The following TTLL3 variants were observed in gnomAD, a reference collection of about 807,000 sequenced individuals.
TTLL3 encodes tubulin monoglycylase TTLL3.
A neutral mutation model predicts 75.2 loss-of-function variants in TTLL3; 63 were observed. The observed-to-expected ratio is 0.84, with a 90% CI of 0.68 to 1.03. The LOEUF is 1.03. TTLL3 is among the 50% of genes least tolerant of loss of function. The pLI is 0.00. For missense variants in TTLL3, 997 were observed against 1,069.9 expected, an observed-to-expected ratio of 0.93 and a Z score of 0.95; for synonymous variants, 393 against 418.5, an observed-to-expected ratio of 0.94 and a Z score of 0.74.
Position 9,834,684 on chromosome 3 carries a change from G to C in TTLL3, c.1829G>C (p.Arg610Pro), listed in dbSNP as rs373790516. The stretch of plus-strand genomic sequence containing the variant: ...ACAGCTTCTCTTGCTCCCACAGCCC[G>C]TCACCACTTCCCCAGCCTCCACACC... Reference protein sequence around the residue: ...LLTQRGSGEARHHFPSLHTKA... With the variant: ...LLTQRGSGEAPHHFPSLHTKA... Residue 610 changes from arginine to proline, a missense_variant, in exon 13 of 14, where the codon CGT (arginine) becomes CCT (proline). Arg to Pro is a moderately radical substitution (Grantham distance 103). Coordinates refer to ENST00000685419, the MANE Select transcript of TTLL3 (RefSeq NM_001387446.1). 2 of 1,613,964 alleles carry C rather than the reference G, an allele frequency of 1.2e-6. No homozygotes were observed. The highest frequency in any genetic ancestry group is 3.3e-5 in the Admixed American group (2 of 60,000).
At chr3:9,819,885 T>G in intron 7 of TTLL3, 2 of 985,566 alleles carry the variant, frequency 2.0e-6, no homozygotes, top group Non-Finnish European at 2.4e-6. Context: ...GACCCCATGC[T>G]TAAGCTTTTA....
chr3:9,827,558 G>A (rs2081162999), intron 10 of TTLL3: 1 of 299,466 alleles, frequency 3.3e-6, no homozygotes, highest in Admixed American at 4.7e-5. Flanking sequence ...ATGTACCACA[G>A]CTGATTTTTA....
chr3:9,813,076 G>C lies in TTLL3; in HGVS notation c.182G>C (p.Ser61Thr), dbSNP rs2079499435. Residue 61 changes from serine to threonine, a missense_variant, in exon 3 of 14, where the codon AGC (serine) becomes ACC (threonine). Transcript: ENST00000685419. The stretch of plus-strand genomic sequence containing the variant: ...CTGCCACCCCAGAAGGATCTGGATA[G>C]CTCAGCGATGGGTGACAGTGACACC... ...TLLPPQKDLD[S>T]SAMGDSDTTE... The C allele has an allele frequency of 6.3e-7, 1 of 1,583,124 alleles. No individual in the cohort carries two copies. Among genetic ancestry groups the C allele is most frequent in the African/African-American group, 1.4e-5 (1 of 74,034 alleles).
At chr3:9,824,152 T>G (rs1396883307) in intron 8 of TTLL3, among the ~76,000 whole-genome samples, 1 of 152,110 alleles carries the variant, frequency 6.6e-6, no homozygotes, top group African/African-American at 2.4e-5. Flanking sequence ...ATTCAGACAA[T>G]AACCAAATAA....
intron 10 of TTLL3, 78 bp from the exon 11 acceptor site, chr3:9,828,882 A>T (rs2081290113): frequency 6.4e-7 from 1 of 1,572,072 alleles, no homozygotes; most frequent in African/African-American, 1.3e-5. Flanking sequence ...GGCTGCTTCC[A>T]GGACTTGCCT....
chr3:9,810,214 T>C, upstream of TTLL3: 1 of 1,492,400 alleles, frequency 6.7e-7, no homozygotes, highest in Non-Finnish European at 8.9e-7. The surrounding 1 kb of genome is among the most constrained non-coding windows in gnomAD (Gnocchi z 4.4). Flanking sequence ...CGGCCCTGCC[T>C]CCGCCCAGTC....
In TTLL3 at chr3:9,829,280, C is replaced by A; in HGVS notation, c.1568C>A (p.Thr523Lys). The change falls in exon 11 of 14, where the codon ACA (threonine) becomes AAA (lysine). Residue 523 changes from threonine (T) to lysine (K), a missense_variant. Thr to Lys is a moderately conservative substitution (Grantham distance 78, BLOSUM62 -1). Coordinates refer to ENST00000685419, the MANE Select transcript of TTLL3 (RefSeq NM_001387446.1). ...INASPTMAPS[T>K]AVTARLCAGV... ...GCCAGCCCCACGATGGCACCCTCCA[C>A]AGCAGTCACTGCCCGGCTCTGTGCT... 1 of 1,614,196 alleles carries A rather than the reference C, an allele frequency of 6.2e-7. No individual in the cohort carries two copies. The highest frequency in any genetic ancestry group is 8.5e-7 in the Non-Finnish European group (1 of 1,180,054).
chr3:9,820,769 G>C, intron 8 of TTLL3, 28 bp downstream of exon 8: 1 of 1,612,122 alleles, frequency 6.2e-7, no homozygotes, highest in South Asian at 1.1e-5. Flanking sequence ...GGGACTTTGG[G>C]CTGTGGGCAG....
At chr3:9,831,779 A>G (rs911514509) in intron 11 of TTLL3, among the ~76,000 whole-genome samples, 3 of 149,896 alleles carry the variant, frequency 2.0e-5, no homozygotes, top group Non-Finnish European at 3.0e-5. Flanking sequence ...GAGTGCTGAT[A>G]GCTACATTTT....
intron 4 of TTLL3, 135 bp from the exon 5 acceptor site, chr3:9,815,939 T>C: frequency 1.2e-6 from 1 of 822,526 alleles, no homozygotes; most frequent in African/African-American, 1.8e-5. Context: ...AAAGATGATG[T>C]GTGGGCTAGA....
intron 6 of TTLL3, chr3:9,817,985 T>C: frequency 3.6e-6 from 2 of 558,622 alleles, no homozygotes; most frequent in Non-Finnish European, 6.2e-6. Flanking sequence ...TAGCTTGGCT[T>C]ATATTCTAGA....
chr3:9,812,530 G>C (rs559949150), intron 2 of TTLL3, among the ~76,000 whole-genome samples: 15 of 151,340 alleles, frequency 9.9e-5, no homozygotes, highest in Non-Finnish European at 2.2e-4. Flanking sequence ...AATTATCTGG[G>C]CGTGGTGGCA....
At position 9,820,529 on chromosome 3, in the gene TTLL3, CCCCT is replaced by C; in HGVS notation, c.659-12_659-9del. On this transcript the variant is annotated splice_polypyrimidine_tract_variant and intron_variant, in intron 7 of 13. Coordinates refer to ENST00000685419, the MANE Select transcript of TTLL3 (RefSeq NM_001387446.1). ...TGCCTTGATATGGGATCGTGACAGG[CCCCT>C]CCCTATGTGCAGGAGACAAGCAGCC... The C allele has an allele frequency of 1.2e-6, 2 of 1,613,270 alleles. No individual in the cohort carries two copies. The highest frequency in any genetic ancestry group is 8.5e-7 in the Non-Finnish European group (1 of 1,179,488).
chr3:9,822,711 A>T (rs180829943), intron 8 of TTLL3, among the ~76,000 whole-genome samples: 211 of 143,848 alleles, frequency 1.5e-3, no homozygotes, highest in Non-Finnish European at 2.2e-3. Context: ...ATATACATAT[A>T]TCGTTGTATG....
chr3:9,834,740 C>T lies in TTLL3; in HGVS notation c.1885C>T (p.Arg629Ter), dbSNP rs140122458. 5.0e-6 allele frequency: 8 copies of T among 1,614,194 alleles called. No homozygotes were observed. Among genetic ancestry groups the T allele is most frequent in the Admixed American group, 3.3e-5 (2 of 60,018 alleles). Reference protein sequence around the residue: ...KAQLPSPHVLRHQGQVLRRQH... With the variant: ...KAQLPSPHVL ...CCAGCTGCCTTCTCCCCATGTACTC[C>T]GACACCAGGGCCAGGTCCTCAGACG... Residue 629 changes from arginine (R) to a stop codon, truncating the protein, a stop_gained, in exon 13 of 14, where the codon CGA becomes TGA. Coordinates refer to ENST00000685419, the MANE Select transcript of TTLL3 (RefSeq NM_001387446.1). LOFTEE classifies it high-confidence loss of function.
chr3:9,816,021 G>T, intron 4 of TTLL3, 53 bp from the exon 5 acceptor site: 1 of 1,313,238 alleles, frequency 7.6e-7, no homozygotes, highest in Non-Finnish European at 1.0e-6. Context: ...GGCTGCCTTA[G>T]GCCCTGCTAC....
chr3:9,825,759 C>A (rs748693661), intron 8 of TTLL3, 41 bp from the exon 9 acceptor site: 1 of 1,613,866 alleles, frequency 6.2e-7, no homozygotes, highest in Admixed American at 1.7e-5. Context: ...ACCTGCATGT[C>A]CCAGGTCCAG....
chr3:9,814,858 T>C (rs2079683392), intron 4 of TTLL3, among the ~76,000 whole-genome samples: 1 of 151,886 alleles, frequency 6.6e-6, no homozygotes, highest in Non-Finnish European at 1.5e-5. Flanking sequence ...AGAGTCGGTG[T>C]GATGATGTGG....
Position 9,833,153 on chromosome 3 carries a change from G to T in TTLL3, c.1733G>T (p.Gly578Val), listed in dbSNP as rs1336087850. ...QYVGIRLLVE[G>V]FTIKKPMAMC... ...GTGGGCATCCGGCTCCTGGTAGAGG[G>T]CTTCACCATCAAGAAGCCCATGGCG... is the stretch of plus-strand genomic sequence containing the variant. The change falls in exon 12 of 14, where the codon GGC becomes GTC. Residue 578 changes from glycine (G) to valine (V), a missense_variant. Transcript: ENST00000685419. The T allele has an allele frequency of 4.3e-6, 7 of 1,614,160 alleles. No individual in the cohort carries two copies. Among genetic ancestry groups the T allele is most frequent in the African/African-American group, 1.3e-5 (1 of 75,054 alleles).
Sources: gnomAD v4.1 joint callset for allele counts (sites outside exome capture counted in the v4.1 genomes callset) on GRCh38, gnomAD v4.1.1 for gene constraint, Gnocchi (gnomAD v3.1) non-coding constraint, MANE v1.5 for transcripts, NCBI Gene and HGNC (gene_info 2026-07-23, HGNC 2026-07-21) for gene names.